The following KIDINS220 variants were observed in gnomAD, a reference collection of about 807,000 sequenced individuals.
KIDINS220 encodes the protein kinase D interacting substrate 220.
KIDINS220 carries 63 observed loss-of-function variants against 157.6 expected under a neutral mutation model. The observed-to-expected ratio is 0.40, with a 90% CI of 0.33 to 0.49. The LOEUF is 0.49. Among genes scored for constraint, KIDINS220 ranks in the 20% least tolerant of loss-of-function variants. The pLI is 0.66. For synonymous variants in KIDINS220, 732 were observed against 783.6 expected (o/e 0.93, Z 1.10); for missense variants, 1,772 against 2,171.2 (o/e 0.82, Z 3.65).
chr2:8,751,688 T>C (rs894294818), intron 22 of KIDINS220, 44 bp from the exon 23 acceptor site: 4 of 1,365,514 alleles, frequency 2.9e-6, no homozygotes, highest in Non-Finnish European at 4.1e-6. Flanking sequence ...ATGTCACTAT[T>C]AGAAAGGTAA....
intron 17 of KIDINS220, among the ~76,000 whole-genome samples, chr2:8,780,850 A>T (rs1348324894): frequency 2.0e-5 from 3 of 151,964 alleles, no homozygotes; most frequent in Admixed American, 2.0e-4. Context: ...CATAAAAGAC[A>T]AAAAGAAGAG....
At chr2:8,827,233 A>C (rs1678936288) in intron 1 of KIDINS220, 104 bp from the exon 2 acceptor site, 1 of 515,482 alleles carries the variant, frequency 1.9e-6, no homozygotes, top group Non-Finnish European at 3.4e-6. Context: ...GGACACCTCC[A>C]GTGGCAGAAG....
chr2:8,791,558 C>T (rs138390663), intron 12 of KIDINS220, among the ~76,000 whole-genome samples: 225 of 152,226 alleles, frequency 1.5e-3, no homozygotes, highest in African/African-American at 5.0e-3. Context: ...CAAATTGTGA[C>T]ATCATGCTTT....
downstream of KIDINS220, among the ~76,000 whole-genome samples, chr2:8,727,970 C>T (rs930143015): frequency 2.6e-5 from 4 of 152,162 alleles, no homozygotes; most frequent in Non-Finnish European, 5.9e-5. Flanking sequence ...CGTAAGGCCA[C>T]GGTGAATGAA....
intron 9 of KIDINS220, 87 bp downstream of exon 9, chr2:8,800,313 G>T: frequency 1.3e-6 from 1 of 770,800 alleles, no homozygotes. Context: ...TATCTCCATA[G>T]GAAAGTGGGA....
intron 21 of KIDINS220, among the ~76,000 whole-genome samples, chr2:8,775,303 C>T (rs1364685275): frequency 6.6e-6 from 1 of 152,156 alleles, no homozygotes; most frequent in East Asian, 1.9e-4. Context: ...ATATAGATGG[C>T]ATTTAAGCCT....
chr2:8,816,620 TTG>T (rs776738105), intron 4 of KIDINS220, among the ~76,000 whole-genome samples: 1 of 152,196 alleles, frequency 6.6e-6, no homozygotes, highest in Non-Finnish European at 1.5e-5. Flanking sequence ...TAATAAAATA[TTG>T]AGAACTCGAT....
Position 8,779,039 on chromosome 2 carries a change from C to T in KIDINS220, c.2471G>A (p.Arg824Gln), listed in dbSNP as rs773977468. Residue 824 changes from arginine to glutamine, a missense_variant, in exon 19 of 30, where the codon CGG becomes CAG. Around this residue, in one of 3 missense-constraint regions of KIDINS220, gnomAD observed 725 missense variants for 1,017.1 expected, o/e 0.71. Transcript: ENST00000256707. ...AINQNLNSVLRDSNINGHDYM... is the reference protein window; with the variant it reads ...AINQNLNSVLQDSNINGHDYM... ...GTCATGGCCATTTATATTTGAATCCCGAAGCACACTATTGAGGTTCTGGTT... is the reference window on the plus strand; with the variant it reads ...GTCATGGCCATTTATATTTGAATCCTGAAGCACACTATTGAGGTTCTGGTT... The T allele has an allele frequency of 2.5e-6, 4 of 1,613,894 alleles. No individual in the cohort carries two copies. The highest frequency in any genetic ancestry group is 2.2e-5 in the East Asian group (1 of 44,894).
intron 7 of KIDINS220, among the ~76,000 whole-genome samples, chr2:8,804,130 G>A (rs929797873): frequency 5.3e-5 from 8 of 149,992 alleles, no homozygotes; most frequent in African/African-American, 2.0e-4. Context: ...AGCTGCCTAC[G>A]GACTATGCTG....
intron 22 of KIDINS220, chr2:8,757,486 T>C: frequency 1.4e-6 from 2 of 1,393,028 alleles, no homozygotes; most frequent in Admixed American, 6.0e-5. Flanking sequence ...CCGTCTTCAT[T>C]TCAGAGGAGC....
chr2:8,774,492 A>G (rs568568776), intron 21 of KIDINS220, among the ~76,000 whole-genome samples: 5 of 152,282 alleles, frequency 3.3e-5, no homozygotes, highest in African/African-American at 1.2e-4. Context: ...CATACCAAAG[A>G]AGATGTCATT....
chr2:8,740,728 A>T (rs1239001835), intron 26 of KIDINS220, among the ~76,000 whole-genome samples: 2 of 152,222 alleles, frequency 1.3e-5, no homozygotes, highest in Non-Finnish European at 2.9e-5. Context: ...AGAGGCTTCT[A>T]GCTCGAGAAA....
chr2:8,764,847 C>G (rs1669250303), intron 22 of KIDINS220, among the ~76,000 whole-genome samples: 1 of 151,874 alleles, frequency 6.6e-6, no homozygotes, highest in African/African-American at 2.4e-5. Context: ...TGTCTAGAAG[C>G]AAAAAAATTC....
intron 26 of KIDINS220, among the ~76,000 whole-genome samples, chr2:8,744,072 T>C (rs1056944137): frequency 1.4e-5 from 2 of 147,018 alleles, no homozygotes; most frequent in African/African-American, 4.9e-5. Context: ...TTAATATATT[T>C]TATATTAACA....
At chr2:8,724,882 T>A (rs369408770), downstream of KIDINS220, 267 of 152,382 alleles carry the variant, frequency 1.8e-3, 2 homozygotes, top group African/African-American at 6.3e-3. The surrounding 1 kb of genome is among the most constrained non-coding windows in gnomAD (Gnocchi z 4.6). Flanking sequence ...TCCTCCCACC[T>A]TGGCCTCCTG....
intron 21 of KIDINS220, among the ~76,000 whole-genome samples, chr2:8,773,330 A>T (rs1398193521): frequency 1.3e-5 from 2 of 152,180 alleles, no homozygotes; most frequent in Non-Finnish European, 2.9e-5. Flanking sequence ...TTATTTTAAA[A>T]ATGTGTATCT....
intron 10 of KIDINS220, 130 bp downstream of exon 10, chr2:8,798,072 C>A: frequency 1.7e-6 from 1 of 586,862 alleles, no homozygotes; most frequent in South Asian, 2.3e-5. Context: ...AGTTACTCCT[C>A]AATGTGATAG....
intron 6 of KIDINS220, among the ~76,000 whole-genome samples, chr2:8,808,423 T>A (rs1009966664): frequency 8.5e-5 from 13 of 152,242 alleles, no homozygotes; most frequent in African/African-American, 2.9e-4. Context: ...GCAACTGAAC[T>A]ATCCACGATT....
chr2:8,787,730 CT>C lies in KIDINS220; in HGVS notation c.1787+916del, dbSNP rs200876517. 8.8e-3 allele frequency among the ~76,000 whole-genome samples: 1,268 copies of C among 143,872 alleles called. 7 individuals carry two copies. Among genetic ancestry groups the C allele is most frequent in the Non-Finnish European group, 0.013 (855 of 65,276 alleles). 94.4% of individuals were successfully genotyped at this position (143,872 alleles called of 152,430 possible). A position where few individuals can be genotyped will look rare whatever the true frequency, so the allele number is the denominator to read the frequency against. ...ATTTCTTTTGCTTTTAACTTTCTAG[CT>C]TTTTTTTTTTTTCATTTCACTGTCC... On this transcript the variant is annotated intron_variant, in intron 15 of 29. Coordinates refer to ENST00000256707, the MANE Select transcript of KIDINS220 (RefSeq NM_020738.4).
Sources: gnomAD v4.1 joint callset for allele counts (sites outside exome capture counted in the v4.1 genomes callset) on GRCh38, gnomAD v4.1.1 for gene constraint, gnomAD v4.1.1 regional missense constraint, Gnocchi (gnomAD v3.1) non-coding constraint, MANE v1.5 for transcripts, NCBI Gene and HGNC (gene_info 2026-07-23, HGNC 2026-07-21) for gene names.